THNSL1: variants seen among roughly 807,000 people sequenced by gnomAD.
THNSL1 encodes the protein threonine synthase like 1, also known as threonine synthase-like 1.
In THNSL1, 48 loss-of-function variants were observed where a neutral mutation model predicts 50.4. The observed-to-expected ratio is 0.95, with a 90% CI of 0.76 to 1.21. The LOEUF is 1.21. Ranked by LOEUF, THNSL1 falls within the 50% of genes most tolerant of loss-of-function variation. THNSL1 has a pLI of 0.00. For synonymous variants in THNSL1, 309 were observed against 306.1 expected, an observed-to-expected ratio of 1.01 and a Z score of -0.10; for missense variants, 896 against 871.7, an observed-to-expected ratio of 1.03 and a Z score of -0.35.
At chr10:24,966,819 T>C in the THNSL1 span, among the ~76,000 whole-genome samples, 674 of 152,276 alleles carry the variant, frequency 4.4e-3, 4 homozygotes, top group African/African-American at 0.015. Context: ...AGGATGATAA[T>C]CATATCTACA....
chr10:25,011,951 G>A (rs1850456471), upstream of THNSL1, among the ~76,000 whole-genome samples: 1 of 152,218 alleles, frequency 6.6e-6, no homozygotes, highest in Admixed American at 6.5e-5. Context: ...CACAGGCCCA[G>A]AGACCTAGGA....
At position 25,024,510 on chromosome 10, in the gene THNSL1, G is replaced by A; in HGVS notation, c.1287G>A (p.Trp429Ter). The A allele has an allele frequency of 6.2e-7, 1 of 1,614,182 alleles. No homozygotes were observed. The highest frequency in any genetic ancestry group is 8.5e-7 in the Non-Finnish European group (1 of 1,180,028). The change falls in exon 3 of 3, where the codon TGG becomes TGA. Residue 429 changes from tryptophan to a stop codon, truncating the protein, a stop_gained. Coordinates refer to ENST00000376356, the MANE Select transcript of THNSL1 (RefSeq NM_024838.5). LOFTEE classifies it high-confidence loss of function. ...TTGGCAGTCAGAGAGAAAATGGATG[G>A]GCAGTGGGTGTTGAGTCAGATTTTG... ...QIIGSQRENG[W>*]AVGVESDFDF...
chr10:24,973,310 G>A, the THNSL1 span, among the ~76,000 whole-genome samples: 2 of 151,870 alleles, frequency 1.3e-5, no homozygotes, highest in Non-Finnish European at 2.9e-5. Flanking sequence ...CAGCCTCGTC[G>A]ACTAAGTGAG....
At chr10:24,970,181 A>G in the THNSL1 span, among the ~76,000 whole-genome samples, 25 of 152,362 alleles carry the variant, frequency 1.6e-4, no homozygotes, top group Non-Finnish European at 3.2e-4. Flanking sequence ...TGGGCTGCAT[A>G]TTTTAGAAGT....
chr10:24,973,687 G>C, the THNSL1 span, among the ~76,000 whole-genome samples: 6 of 152,224 alleles, frequency 3.9e-5, no homozygotes, highest in South Asian at 1.2e-3. Flanking sequence ...AAAATTCGAA[G>C]AGAGAAGGAA....
the THNSL1 span, chr10:24,952,440 C>G: frequency 6.9e-7 from 1 of 1,443,248 alleles, no homozygotes; most frequent in Non-Finnish European, 9.5e-7. The surrounding 1 kb of genome is among the most constrained non-coding windows in gnomAD (Gnocchi z 5.1). Flanking sequence ...CTCTCTCCCC[C>G]GACGCACGGC....
chr10:25,024,498 A>G lies in THNSL1; in HGVS notation c.1275A>G (p.Arg425=). 6.2e-7 allele frequency: 1 copy of G among 1,614,240 alleles called. No homozygotes were observed. The highest frequency in any genetic ancestry group is 8.5e-7 in the Non-Finnish European group (1 of 1,180,036). ...AAGCACAAATAATTGGCAGTCAGAG[A>G]GAAAATGGATGGGCAGTGGGTGTTG... ...FQKAQIIGSQ[R]ENGWAVGVES... The change falls in exon 3 of 3, where the codon AGA becomes AGG. Residue 425 remains arginine, a synonymous_variant. Transcript: ENST00000376356.
At chr10:24,991,991 A>G in the THNSL1 span, among the ~76,000 whole-genome samples, 2 of 152,238 alleles carry the variant, frequency 1.3e-5, no homozygotes, top group African/African-American at 4.8e-5. Context: ...GAAGTGAGCC[A>G]CAGCCCTATG....
chr10:24,994,926 T>A, the THNSL1 span, among the ~76,000 whole-genome samples: 4 of 152,006 alleles, frequency 2.6e-5, no homozygotes, highest in Non-Finnish European at 2.9e-5. Context: ...GGAGGCTGAG[T>A]GAGGAGAATC....
the THNSL1 span, chr10:24,984,071 G>T: frequency 3.0e-6 from 1 of 329,498 alleles, no homozygotes; most frequent in Non-Finnish European, 5.5e-6. Context: ...TAGAAAGGAG[G>T]CTATTCTCCT....
chr10:25,010,857 G>T, the THNSL1 span, among the ~76,000 whole-genome samples: 1 of 151,414 alleles, frequency 6.6e-6, no homozygotes, highest in Non-Finnish European at 1.5e-5. Context: ...TTGGACATTT[G>T]GGTTGGTTCC....
chr10:24,981,537 T>C, the THNSL1 span, among the ~76,000 whole-genome samples: 1 of 152,096 alleles, frequency 6.6e-6, no homozygotes, highest in Non-Finnish European at 1.5e-5. Flanking sequence ...TTTATGGGTG[T>C]GGGAAATTCT....
chr10:24,989,716 A>T, the THNSL1 span, among the ~76,000 whole-genome samples: 1 of 152,242 alleles, frequency 6.6e-6, no homozygotes, highest in African/African-American at 2.4e-5. Flanking sequence ...CCATTTTTCA[A>T]CAGAGATTAA....
the THNSL1 span, among the ~76,000 whole-genome samples, chr10:24,969,175 TGAGCCACCGCGCCC>T: frequency 3.9e-5 from 6 of 152,200 alleles, no homozygotes; most frequent in African/African-American, 1.4e-4. Context: ...ATTACAGGAA[TGAGCCACCGCGCCC>T]GGCCACATTT....
the THNSL1 span, among the ~76,000 whole-genome samples, chr10:25,001,203 A>C: frequency 6.6e-6 from 1 of 152,012 alleles, no homozygotes; most frequent in African/African-American, 2.4e-5. Context: ...TTCCTTCTCC[A>C]TAAAGGACAT....
the THNSL1 span, among the ~76,000 whole-genome samples, chr10:24,972,507 C>CAAAAAA: frequency 1.4e-4 from 18 of 133,158 alleles, no homozygotes; most frequent in African/African-American, 5.2e-4. Context: ...GACTCTGTCT[C>CAAAAAA]AAAAAAAAAA....
At chr10:24,990,505 AGCT>A in the THNSL1 span, 3 of 1,613,720 alleles carry the variant, frequency 1.9e-6, no homozygotes, top group Non-Finnish European at 2.5e-6. Flanking sequence ...GCCTTTTCAT[AGCT>A]GCTTTCTTAA....
At chr10:24,959,265 C>A in the THNSL1 span, among the ~76,000 whole-genome samples, 1 of 152,208 alleles carries the variant, frequency 6.6e-6, no homozygotes, top group African/African-American at 2.4e-5. Flanking sequence ...GCTGTTTATT[C>A]TCTTAGCTGT....
the THNSL1 span, among the ~76,000 whole-genome samples, chr10:24,989,944 T>C: frequency 6.6e-6 from 1 of 152,124 alleles, no homozygotes; most frequent in South Asian, 2.1e-4. Context: ...CCAATATAAA[T>C]ATATCTTTAA....
Sources: allele counts gnomAD v4.1 joint callset (sites outside exome capture counted in the v4.1 genomes callset), GRCh38; gene constraint gnomAD v4.1.1; non-coding constraint Gnocchi (gnomAD v3.1); transcripts MANE v1.5; gene names NCBI Gene and HGNC (gene_info 2026-07-23, HGNC 2026-07-21).